The following INSYN2B variants were observed in gnomAD, a reference collection of about 807,000 sequenced individuals.
The protein encoded by INSYN2B is protein INSYN2B.
A neutral mutation model predicts 41.2 loss-of-function variants in INSYN2B; 16 were observed. The ratio of observed to expected loss-of-function variants is 0.39; its 90% CI spans 0.26 to 0.59. The LOEUF is 0.59. INSYN2B is among the 20% of genes least tolerant of loss of function. INSYN2B has a pLI of 0.57. For synonymous variants in INSYN2B, 245 were observed against 244.4 expected (o/e 1.00, Z -0.02); for missense variants, 608 against 646.4 (o/e 0.94, Z 0.64).
chr5:169,975,475 A>G (rs1047609134), intron 1 of INSYN2B, among the ~76,000 whole-genome samples: 3 of 152,108 alleles, frequency 2.0e-5, no homozygotes, highest in African/African-American at 7.2e-5. Context: ...ACCTCATCAT[A>G]TACGGAGCCT....
chr5:169,913,910 C>T (rs1410378166), intron 1 of INSYN2B, among the ~76,000 whole-genome samples: 1 of 152,066 alleles, frequency 6.6e-6, no homozygotes, highest in Non-Finnish European at 1.5e-5. Context: ...TTCCAGTTGC[C>T]AAGATGATAA....
At chr5:169,881,544 C>T (rs190674097) in intron 2 of INSYN2B, 102 bp from the exon 3 acceptor site, 57 of 866,312 alleles carry the variant, frequency 6.6e-5, no homozygotes, top group South Asian at 2.3e-4. Flanking sequence ...ACAGCATTCA[C>T]GGTGCTCTGA....
chr5:169,893,197 G>T (rs555827797), intron 1 of INSYN2B, among the ~76,000 whole-genome samples: 2 of 152,306 alleles, frequency 1.3e-5, no homozygotes, highest in Admixed American at 6.5e-5. Context: ...GCCCTGTAGG[G>T]ACAATTCTGT....
intron 3 of INSYN2B, chr5:169,875,438 G>A (rs368368218): frequency 2.6e-5 from 10 of 383,996 alleles, no homozygotes; most frequent in South Asian, 1.2e-4. Flanking sequence ...AGTGACAATC[G>A]AACATTCCAC....
chr5:169,969,300 C>G (rs1443863126), intron 1 of INSYN2B, among the ~76,000 whole-genome samples: 1 of 151,956 alleles, frequency 6.6e-6, no homozygotes, highest in Admixed American at 6.6e-5. Context: ...CAAAAATTAG[C>G]TGGGTGTGGT....
chr5:169,883,007 T>C lies in INSYN2B; in HGVS notation c.892A>G (p.Lys298Glu), dbSNP rs775947429. 6.4e-7 allele frequency: 1 copy of C among 1,551,730 alleles called. No homozygotes were observed. Among genetic ancestry groups the C allele is most frequent in the South Asian group, 1.2e-5 (1 of 84,054 alleles). Residue 298 changes from lysine (K) to glutamate (E), a missense_variant, in exon 2 of 4, where the codon AAG (lysine) becomes GAG (glutamate). Lys to Glu is a moderately conservative substitution (Grantham distance 56). Coordinates refer to ENST00000377365, the MANE Select transcript of INSYN2B (RefSeq NM_001129891.3). ...KDLGSLSSQS[K>E]ETCVPSSPRT... is the part of the protein sequence containing the mutation. ...GGAGATGAAGGAACACACGTTTCCT[T>C]TGACTGAGATGACAGTGAGCCAAGG... is the stretch of plus-strand genomic sequence containing the variant.
At chr5:169,956,040 A>T (rs983494981) in intron 1 of INSYN2B, among the ~76,000 whole-genome samples, 3 of 134,662 alleles carry the variant, frequency 2.2e-5, no homozygotes, top group Non-Finnish European at 4.8e-5. Context: ...CATAGATTTG[A>T]AAAAAAAAAA....
intron 1 of INSYN2B, among the ~76,000 whole-genome samples, chr5:169,960,608 C>T (rs1032960469): frequency 2.0e-5 from 3 of 152,154 alleles, no homozygotes; most frequent in Admixed American, 2.0e-4. Context: ...GGAGGGCCAG[C>T]CATTTGACTC....
At chr5:169,961,918 G>A (rs1415045288) in intron 1 of INSYN2B, among the ~76,000 whole-genome samples, 1 of 141,010 alleles carries the variant, frequency 7.1e-6, no homozygotes, top group Admixed American at 7.3e-5. Context: ...GGCGGAGGTT[G>A]CAGTGAGCCG....
chr5:169,898,657 C>T (rs1286070617), intron 1 of INSYN2B, among the ~76,000 whole-genome samples: 2 of 152,156 alleles, frequency 1.3e-5, no homozygotes, highest in Admixed American at 6.5e-5. Context: ...TCAAAAAACT[C>T]TTTCAATCAA....
intron 1 of INSYN2B, among the ~76,000 whole-genome samples, chr5:169,933,987 G>C (rs1775875705): frequency 1.3e-5 from 2 of 152,144 alleles, no homozygotes; most frequent in African/African-American, 4.8e-5. Context: ...AGCAGGACCG[G>C]CATCTATTGC....
chr5:169,881,148 T>C (rs1772621000), intron 3 of INSYN2B, among the ~76,000 whole-genome samples: 1 of 152,176 alleles, frequency 6.6e-6, no homozygotes, highest in African/African-American at 2.4e-5. Context: ...GCACTTAGTG[T>C]TTGATAAGCC....
At chr5:169,920,721 C>T (rs998990344) in intron 1 of INSYN2B, among the ~76,000 whole-genome samples, 11 of 152,158 alleles carry the variant, frequency 7.2e-5, no homozygotes, top group African/African-American at 1.9e-4. Context: ...TCCCGTCTCC[C>T]GTCTCTGCAG....
intron 1 of INSYN2B, among the ~76,000 whole-genome samples, chr5:169,952,440 G>A (rs185105513): frequency 6.6e-6 from 1 of 152,194 alleles, no homozygotes; most frequent in East Asian, 1.9e-4. Flanking sequence ...AAACAGAGAA[G>A]TAGCACTGAG....
At chr5:169,972,310 A>G (rs1777532783) in intron 1 of INSYN2B, among the ~76,000 whole-genome samples, 1 of 152,096 alleles carries the variant, frequency 6.6e-6, no homozygotes, top group Non-Finnish European at 1.5e-5. Context: ...ATCATAATGT[A>G]TCTTCCCCTT....
chr5:169,905,342 A>G (rs1257800777), intron 1 of INSYN2B, among the ~76,000 whole-genome samples: 1 of 151,700 alleles, frequency 6.6e-6, no homozygotes, highest in Non-Finnish European at 1.5e-5. Flanking sequence ...AAATATCCCA[A>G]CTTTTAAATG....
At chr5:169,935,071 G>A (rs1316106970) in intron 1 of INSYN2B, among the ~76,000 whole-genome samples, 3 of 152,192 alleles carry the variant, frequency 2.0e-5, no homozygotes, top group East Asian at 1.9e-4. Context: ...GGGAGTCCAC[G>A]TGGGCAGGAA....
intron 3 of INSYN2B, among the ~76,000 whole-genome samples, chr5:169,869,211 C>T (rs1277009184): frequency 2.6e-5 from 4 of 152,146 alleles, no homozygotes; most frequent in African/African-American, 9.7e-5. Flanking sequence ...TCACCCCTCC[C>T]CACCATCTAC....
At chr5:169,956,475 G>A (rs1202491277) in intron 1 of INSYN2B, among the ~76,000 whole-genome samples, 1 of 152,236 alleles carries the variant, frequency 6.6e-6, no homozygotes, top group Non-Finnish European at 1.5e-5. Flanking sequence ...GTTGGATTCA[G>A]ATTAGATTTA....
Sources: allele counts gnomAD v4.1 joint callset (sites outside exome capture counted in the v4.1 genomes callset), GRCh38; gene constraint gnomAD v4.1.1; transcripts MANE v1.5; gene names NCBI Gene and HGNC (gene_info 2026-07-23, HGNC 2026-07-21).